The following KCNQ5 variants were observed in gnomAD, a reference collection of about 807,000 sequenced individuals.
The protein encoded by KCNQ5 is potassium voltage-gated channel subfamily KQT member 5.
A neutral mutation model predicts 98.2 loss-of-function variants in KCNQ5; 30 were observed. The observed-to-expected ratio is 0.31, with a 90% CI of 0.23 to 0.41. The LOEUF is 0.41. Ranked by LOEUF, KCNQ5 falls within the 10% of genes least tolerant of loss-of-function variation. The pLI is 1.00. For missense variants in KCNQ5, 835 were observed against 1,182.5 expected (o/e 0.71, Z 4.31); for synonymous variants, 458 against 449.4 (o/e 1.02, Z -0.24).
At position 73,195,280 on chromosome 6, in the gene KCNQ5, G is replaced by T. The variant is rs750000204; in HGVS notation, c.2665G>T (p.Ala889Ser). 1.7e-5 allele frequency: 27 copies of T among 1,614,052 alleles called. No individual in the cohort carries two copies. In the South Asian group the frequency reaches 3.0e-4, roughly 18 times the overall value. The change falls in exon 14 of 14, where the codon GCA becomes TCA. Residue 889 changes from alanine (A) to serine (S), a missense_variant. By Grantham distance (99) the Ala-to-Ser change is moderately conservative. Transcript: ENST00000370398. ...GACAGAGACAGACACTTTTGATGCC[G>T]CACCGCAGCCTGCCAGGGAAGCTGC... is the stretch of plus-strand genomic sequence containing the variant. ...EETETDTFDA[A>S]PQPAREAAFA...
intron 1 of KCNQ5, among the ~76,000 whole-genome samples, chr6:72,872,723 G>A (rs191168510): frequency 3.4e-4 from 52 of 151,922 alleles, no homozygotes; most frequent in Middle Eastern, 3.4e-3. Flanking sequence ...TTCATTTCGC[G>A]AATTGTACAA....
intron 1 of KCNQ5, among the ~76,000 whole-genome samples, chr6:72,925,405 TG>T (rs1378193810): frequency 6.6e-6 from 1 of 152,238 alleles, no homozygotes; most frequent in African/African-American, 2.4e-5. Context: ...AACTAGTTTT[TG>T]CATCTTGTAA....
chr6:73,139,592 A>C lies in KCNQ5; in HGVS notation c.1468+5951A>C, dbSNP rs559240958. ...TTAAAAACATAAAAGCCAGATTTAT[A>C]ATTTTTTTCACTTTTCTCTCATCAC... On this transcript the variant is annotated intron_variant, in intron 10 of 13. Transcript: ENST00000370398. Among the ~76,000 whole-genome samples, 3 of 152,294 alleles carry C rather than the reference A, an allele frequency of 2.0e-5. No homozygotes were observed. In the South Asian group the frequency reaches 6.2e-4, roughly 32 times the overall value.
At chr6:72,946,702 G>A (rs1047837784) in intron 1 of KCNQ5, among the ~76,000 whole-genome samples, 1 of 152,126 alleles carries the variant, frequency 6.6e-6, no homozygotes, top group African/African-American at 2.4e-5. Context: ...AAAAAGCTAG[G>A]AGACAAGGAA....
intron 1 of KCNQ5, among the ~76,000 whole-genome samples, chr6:72,782,021 A>G (rs755193488): frequency 7.9e-5 from 12 of 152,190 alleles, no homozygotes; most frequent in African/African-American, 1.7e-4. Flanking sequence ...AATTTTGACC[A>G]AAACAATAGT....
At chr6:72,837,965 T>C (rs928408002) in intron 1 of KCNQ5, among the ~76,000 whole-genome samples, 10 of 152,194 alleles carry the variant, frequency 6.6e-5, no homozygotes, top group African/African-American at 2.4e-4. Context: ...TTTTTTTTAT[T>C]ATTATACTTT....
rs146769550 is a variant in KCNQ5 at position 72,626,836 on chromosome 6, A to G, written c.398+4249A>G. 1.4e-4 allele frequency among the ~76,000 whole-genome samples: 21 copies of G among 152,350 alleles called. 1 individual carries two copies. The highest frequency in any genetic ancestry group is 3.4e-3 in the Middle Eastern group (1 of 294). ...GGAGATGAGAAGGAGGAGTTTAACC[A>G]AAGAAATGTTAAGGAGATAAAATTT... is the stretch of plus-strand genomic sequence containing the variant. On this transcript the variant is annotated intron_variant, in intron 1 of 13. Coordinates refer to ENST00000370398, the MANE Select transcript of KCNQ5 (RefSeq NM_019842.4).
At chr6:73,006,990 G>C (rs1769841931) in intron 2 of KCNQ5, among the ~76,000 whole-genome samples, 1 of 152,062 alleles carries the variant, frequency 6.6e-6, no homozygotes, top group Non-Finnish European at 1.5e-5. Flanking sequence ...GTTCCCTTGA[G>C]GGCACCAGCG....
At chr6:72,874,877 A>G (rs1056207235) in intron 1 of KCNQ5, among the ~76,000 whole-genome samples, 1 of 152,238 alleles carries the variant, frequency 6.6e-6, no homozygotes, top group African/African-American at 2.4e-5. Context: ...CACATTTCTC[A>G]AAAACATATA....
chr6:73,073,148 C>G (rs74547606), intron 3 of KCNQ5, among the ~76,000 whole-genome samples: 6,716 of 152,222 alleles, frequency 0.044, 187 homozygotes, highest in East Asian at 0.11. Flanking sequence ...CCCTATCCCA[C>G]CCTGGATGGA....
chr6:72,809,869 A>C (rs1244404738), intron 1 of KCNQ5, among the ~76,000 whole-genome samples: 2 of 152,096 alleles, frequency 1.3e-5, no homozygotes, highest in Admixed American at 6.5e-5. Flanking sequence ...GGAAAATTTC[A>C]CTCACACACC....
intron 3 of KCNQ5, among the ~76,000 whole-genome samples, chr6:73,046,948 A>G (rs1771994107): frequency 6.6e-6 from 1 of 152,088 alleles, no homozygotes; most frequent in Non-Finnish European, 1.5e-5. Flanking sequence ...TGGCCTTTAT[A>G]ATGTCCCATT....
intron 2 of KCNQ5, among the ~76,000 whole-genome samples, chr6:73,039,900 A>G (rs1771612056): frequency 6.6e-6 from 1 of 152,160 alleles, no homozygotes; most frequent in Non-Finnish European, 1.5e-5. Context: ...CATAGTTCTG[A>G]GCAAGGATAA....
chr6:72,768,854 G>A (rs942267642), intron 1 of KCNQ5, among the ~76,000 whole-genome samples: 4 of 151,606 alleles, frequency 2.6e-5, no homozygotes, highest in East Asian at 1.9e-4. Flanking sequence ...CCCTTTCATC[G>A]TGTCCCAATC....
intron 1 of KCNQ5, among the ~76,000 whole-genome samples, chr6:72,855,213 C>T (rs2150146821): frequency 6.6e-6 from 1 of 151,906 alleles, no homozygotes; most frequent in East Asian, 1.9e-4. Context: ...CCAGTTCTAG[C>T]ATTTTAAACA....
chr6:72,771,014 G>A (rs1772844175), intron 1 of KCNQ5, among the ~76,000 whole-genome samples: 1 of 152,068 alleles, frequency 6.6e-6, no homozygotes, highest in African/African-American at 2.4e-5. Flanking sequence ...AAGGGGGCGG[G>A]GAATTATAAC....
intron 1 of KCNQ5, among the ~76,000 whole-genome samples, chr6:72,842,166 A>G (rs969786051): frequency 6.6e-6 from 1 of 152,194 alleles, no homozygotes; most frequent in Admixed American, 6.5e-5. Flanking sequence ...TAATGAAAAC[A>G]TTGGAAGTCG....
chr6:73,163,215 C>T (rs1468255205), intron 10 of KCNQ5, among the ~76,000 whole-genome samples: 1 of 148,272 alleles, frequency 6.7e-6, no homozygotes, highest in Non-Finnish European at 1.5e-5. Flanking sequence ...ATAACAAGAC[C>T]TCTCCATCTC....
At chr6:73,186,691 G>C (rs1333037661) in intron 11 of KCNQ5, among the ~76,000 whole-genome samples, 2 of 152,172 alleles carry the variant, frequency 1.3e-5, no homozygotes, top group African/African-American at 4.8e-5. Context: ...TTAGGAAATG[G>C]TGAGGTTTGA....
Sources: allele counts gnomAD v4.1 joint callset (sites outside exome capture counted in the v4.1 genomes callset), GRCh38; gene constraint gnomAD v4.1.1; transcripts MANE v1.5; gene names NCBI Gene and HGNC (gene_info 2026-07-23, HGNC 2026-07-21).